The following DLG5 variants were observed in gnomAD, a reference collection of about 807,000 sequenced individuals.
DLG5 encodes discs large MAGUK scaffold protein 5.
In DLG5, 48 loss-of-function variants were observed where a neutral mutation model predicts 189.8. The ratio of observed to expected loss-of-function variants is 0.25; its 90% CI spans 0.20 to 0.32. DLG5 has a LOEUF of 0.32. Ranked by LOEUF, DLG5 falls within the 10% of genes least tolerant of loss-of-function variation. The pLI, the probability that DLG5 is intolerant of heterozygous loss-of-function variation, is 1.00. For missense variants in DLG5, 2,160 were observed against 2,544.7 expected, an observed-to-expected ratio of 0.85 and a Z score of 3.25; for synonymous variants, 1,016 against 1,054.1, an observed-to-expected ratio of 0.96 and a Z score of 0.70.
intron 2 of DLG5, among the ~76,000 whole-genome samples, chr10:77,858,712 C>A (rs1844351440): frequency 6.6e-6 from 1 of 152,146 alleles, no homozygotes; most frequent in African/African-American, 2.4e-5. Flanking sequence ...TTGATCCTGA[C>A]CCTCTGTAGC....
intron 1 of DLG5, among the ~76,000 whole-genome samples, chr10:77,882,759 C>A (rs937595098): frequency 3.7e-4 from 53 of 143,154 alleles, no homozygotes; most frequent in Non-Finnish European, 2.7e-4. Context: ...TAAAAAAATA[C>A]AAAAAAAAAA....
At chr10:77,868,187 T>C (rs749589455) in intron 2 of DLG5, 3 of 440,068 alleles carry the variant, frequency 6.8e-6, no homozygotes, top group South Asian at 1.6e-5. Context: ...CACTTTGTTA[T>C]AGCAGCCCTA....
chr10:77,882,936 C>T (rs1845327340), intron 1 of DLG5, among the ~76,000 whole-genome samples: 1 of 151,464 alleles, frequency 6.6e-6, no homozygotes, highest in Non-Finnish European at 1.5e-5. Context: ...AAAAAAAACA[C>T]CCAAGAGCTT....
intron 2 of DLG5, chr10:77,868,263 T>C (rs999959486): frequency 1.1e-5 from 4 of 372,360 alleles, no homozygotes; most frequent in Non-Finnish European, 2.1e-5. Flanking sequence ...CTTCCCTTAC[T>C]GCAGCTACTT....
chr10:77,916,809 A>G (rs1268338221), intron 1 of DLG5, among the ~76,000 whole-genome samples: 1 of 151,558 alleles, frequency 6.6e-6, no homozygotes, highest in Non-Finnish European at 1.5e-5. Flanking sequence ...ATATTTGTAC[A>G]CCCATGGTGT....
chr10:77,841,082 T>C lies in DLG5; in HGVS notation c.1437+799A>G, dbSNP rs79377068. ...TGTGAATATCTGAGAACTATTCTGA[T>C]AGGAAAAAAATCTGCTGTGATCAAG... On this transcript the variant is annotated intron_variant, in intron 7 of 31. Transcript: ENST00000372391. Among the ~76,000 whole-genome samples the C allele has an allele frequency of 7.0e-3, 1,071 of 152,204 alleles. 7 individuals carry two copies. The highest frequency in any genetic ancestry group is 0.011 in the Non-Finnish European group (746 of 68,002).
chr10:77,854,636 G>T (rs1353598151), intron 3 of DLG5, among the ~76,000 whole-genome samples: 1 of 152,180 alleles, frequency 6.6e-6, no homozygotes, highest in Non-Finnish European at 1.5e-5. Context: ...TTCTGCAGGA[G>T]CTTCCAGGAG....
chr10:77,814,095 A>G (rs1158915634), intron 20 of DLG5, among the ~76,000 whole-genome samples: 2 of 151,838 alleles, frequency 1.3e-5, no homozygotes, highest in African/African-American at 4.8e-5. Context: ...CTCCTGCCTC[A>G]GCCTCTCAAG....
At chr10:77,850,327 T>C (rs2154576579) in intron 5 of DLG5, among the ~76,000 whole-genome samples, 1 of 152,360 alleles carries the variant, frequency 6.6e-6, no homozygotes, top group East Asian at 1.9e-4. Flanking sequence ...GTTTCTTTCA[T>C]TGGCTGTCAT....
At chr10:77,891,582 A>ACACACACACACACACG (rs1411851149) in intron 1 of DLG5, among the ~76,000 whole-genome samples, 1 of 146,502 alleles carries the variant, frequency 6.8e-6, no homozygotes, top group African/African-American at 2.6e-5. Context: ...AGACACACAC[A>ACACACACACACACACG]CACACACACA....
intron 1 of DLG5, among the ~76,000 whole-genome samples, chr10:77,906,849 C>T (rs1025753656): frequency 6.6e-6 from 1 of 152,042 alleles, no homozygotes; most frequent in Non-Finnish European, 1.5e-5. Flanking sequence ...TGGCCTTGAA[C>T]TCCCGACCTC....
At position 77,821,637 on chromosome 10, in the gene DLG5, C is replaced by T; in HGVS notation, c.2847G>A (p.Lys949=). 1 of 1,612,604 alleles carries T rather than the reference C, an allele frequency of 6.2e-7. No homozygotes were observed. The highest frequency in any genetic ancestry group is 8.5e-7 in the Non-Finnish European group (1 of 1,179,830). ...GCACTGCCGTGGAGCTGAGCATGGCCTTGGGCCAGGTCCCGCCGCTGTTGG... is the reference window on the plus strand; with the variant it reads ...GCACTGCCGTGGAGCTGAGCATGGCTTTGGGCCAGGTCCCGCCGCTGTTGG... ...EGSNSGGTWP[K]AMLSSTAVPE... is the part of the protein sequence containing the mutation. Residue 949 remains lysine (K), a synonymous_variant, in exon 15 of 32, where the codon AAG becomes AAA. Coordinates refer to ENST00000372391, the MANE Select transcript of DLG5 (RefSeq NM_004747.4).
chr10:77,819,125 T>C (rs924761694), intron 17 of DLG5, among the ~76,000 whole-genome samples, 196 bp downstream of exon 17: 1 of 152,220 alleles, frequency 6.6e-6, no homozygotes, highest in Non-Finnish European at 1.5e-5. Context: ...GTCCTTCCAG[T>C]ACCTTTTGAA....
chr10:77,866,642 T>A (rs1686460980), intron 2 of DLG5, among the ~76,000 whole-genome samples: 1 of 151,856 alleles, frequency 6.6e-6, no homozygotes, highest in South Asian at 2.1e-4. Context: ...GTGGCGCCCA[T>A]ACTGGACACT....
chr10:77,909,325 G>A (rs1031493886), intron 1 of DLG5, among the ~76,000 whole-genome samples: 5 of 152,138 alleles, frequency 3.3e-5, no homozygotes, highest in African/African-American at 1.2e-4. Flanking sequence ...ATGGACACAA[G>A]GAGGGGAACA....
In DLG5 at chr10:77,902,941, G is replaced by A. The variant is rs575155721; in HGVS notation, c.304+23276C>T. ...AGCATCCCTCATTCTGGGCGACAGA[G>A]CGAGACTCCGTCTCAAAAAATAAAT... On this transcript the variant is annotated intron_variant, in intron 1 of 31. Transcript: ENST00000372391. 4.2e-4 allele frequency among the ~76,000 whole-genome samples: 64 copies of A among 151,988 alleles called. 1 individual carries two copies. Among genetic ancestry groups the A allele is most frequent in the Non-Finnish European group, 7.8e-4 (53 of 67,960 alleles).
intron 3 of DLG5, 71 bp from the exon 4 acceptor site, chr10:77,854,441 G>C: frequency 1.9e-6 from 3 of 1,584,426 alleles, no homozygotes; most frequent in Non-Finnish European, 2.6e-6. Flanking sequence ...ACCAGGTCCT[G>C]GATTAGGCCA....
At chr10:77,900,422 T>A (rs960800384) in intron 1 of DLG5, among the ~76,000 whole-genome samples, 6 of 152,182 alleles carry the variant, frequency 3.9e-5, no homozygotes, top group Admixed American at 1.3e-4. Context: ...AATGAACTTC[T>A]ACTCAGCCCA....
intron 27 of DLG5, among the ~76,000 whole-genome samples, chr10:77,803,603 T>C (rs990961740): frequency 1.3e-5 from 2 of 152,104 alleles, no homozygotes; most frequent in African/African-American, 4.8e-5. Context: ...TTTATAACGA[T>C]AAAAAGGTTA....
Sources: allele counts gnomAD v4.1 joint callset (sites outside exome capture counted in the v4.1 genomes callset), GRCh38; gene constraint gnomAD v4.1.1; transcripts MANE v1.5; gene names NCBI Gene and HGNC (gene_info 2026-07-23, HGNC 2026-07-21).